Variants in LALBA observed in about 807,000 individuals in gnomAD.
LALBA encodes lactalbumin alpha, also known as alpha-lactalbumin.
In LALBA, 12 loss-of-function variants were observed where a neutral mutation model predicts 13.4. The ratio of observed to expected loss-of-function variants is 0.89; its 90% CI spans 0.57 to 1.45. LALBA has a LOEUF of 1.45. LALBA is among the 40% of genes most tolerant of loss of function. The pLI, the probability that LALBA is intolerant of heterozygous loss-of-function variation, is 0.00. For missense variants in LALBA, 145 were observed against 165.9 expected (o/e 0.87, Z 0.69); for synonymous variants, 64 against 61.0 (o/e 1.05, Z -0.23).
At chr12:48,571,044 C>T (rs1436522374), upstream of LALBA, among the ~76,000 whole-genome samples, 1 of 151,644 alleles carries the variant, frequency 6.6e-6, no homozygotes, top group Non-Finnish European at 1.5e-5. Flanking sequence ...TTCCCCACCC[C>T]TAACCACTCC....
upstream of LALBA, among the ~76,000 whole-genome samples, chr12:48,570,612 G>A (rs940665553): frequency 2.5e-4 from 38 of 152,126 alleles, no homozygotes; most frequent in African/African-American, 5.8e-4. Context: ...ATATGGGAAC[G>A]TAGACTACAA....
rs530144559 is a variant in LALBA at position 48,570,029 on chromosome 12, C to T, written c.-9G>A. On this transcript the variant is annotated 5_prime_UTR_variant, in exon 1 of 4. Coordinates refer to ENST00000301046, the MANE Select transcript of LALBA (RefSeq NM_002289.3). ...GGGACAAAGAACCTCATTTTGGCTA[C>T]CCCCAAGAACCTGAAATGGAAGCAT... The T allele has an allele frequency of 9.3e-6, 15 of 1,613,368 alleles. No individual in the cohort carries two copies. The highest frequency in any genetic ancestry group is 1.2e-5 in the Non-Finnish European group (14 of 1,179,744).
chr12:48,571,119 G>T (rs1938627774), upstream of LALBA, among the ~76,000 whole-genome samples: 1 of 151,494 alleles, frequency 6.6e-6, no homozygotes, highest in Admixed American at 6.6e-5. Flanking sequence ...CCAATAACTT[G>T]TAGACAACCT....
At position 48,569,879 on chromosome 12, in the gene LALBA, G is replaced by T; in HGVS notation, c.133+9C>A. ...AGGAATGGATGAAACACAGAGGCAGGGAACTCACATTCAGGCAAAGCGATG... is the reference window on the plus strand; with the variant it reads ...AGGAATGGATGAAACACAGAGGCAGTGAACTCACATTCAGGCAAAGCGATG... On this transcript the variant is annotated intron_variant, in intron 1 of 3. Transcript: ENST00000301046. 1.2e-6 allele frequency: 2 copies of T among 1,613,578 alleles called. No homozygotes were observed. Among genetic ancestry groups the T allele is most frequent in the Non-Finnish European group, 1.7e-6 (2 of 1,179,646 alleles).
chr12:48,569,921 T>G lies in LALBA; in HGVS notation c.100A>C (p.Ile34Leu). The G allele has an allele frequency of 6.2e-7, 1 of 1,614,098 alleles. No homozygotes were observed. The highest frequency in any genetic ancestry group is 8.5e-7 in the Non-Finnish European group (1 of 1,180,012). The change falls in exon 1 of 4, where the codon ATA (isoleucine) becomes CTA (leucine). Residue 34 changes from isoleucine (I) to leucine (L), a missense_variant. By Grantham distance (5) the Ile-to-Leu change is conservative (BLOSUM62 2). Coordinates refer to ENST00000301046, the MANE Select transcript of LALBA (RefSeq NM_002289.3). ...KCELSQLLKD[I>L]DGYGGIALPE... ...AAAGCGATGCCTCCATAACCATCTATGTCTTTCAGCAGCTGGGACAGCTCA... is the reference window on the plus strand; with the variant it reads ...AAAGCGATGCCTCCATAACCATCTAGGTCTTTCAGCAGCTGGGACAGCTCA...
intron 1 of LALBA, 28 bp downstream of exon 1, chr12:48,569,860 G>A (rs780058337): frequency 1.2e-6 from 2 of 1,611,172 alleles, no homozygotes; most frequent in African/African-American, 2.7e-5. Context: ...TATGAGGAAT[G>A]GATGAAACAC....
Position 48,567,936 on chromosome 12 carries a change from G to A in LALBA, c.*21C>T. 1 of 1,595,628 alleles carries A rather than the reference G, an allele frequency of 6.3e-7. No individual in the cohort carries two copies. Among genetic ancestry groups the A allele is most frequent in the African/African-American group, 1.3e-5 (1 of 74,818 alleles). ...ATTCCAGGAGTGTGGAGTGGGCAGG[G>A]GTGCCAAGGACAGCAGACACTCACA... is the stretch of plus-strand genomic sequence containing the variant. On this transcript the variant is annotated 3_prime_UTR_variant, in exon 4 of 4. Transcript: ENST00000301046.
Position 48,569,230 on chromosome 12 carries a change from G to T in LALBA, c.144C>A (p.Thr48=). The change falls in exon 2 of 4, where the codon ACC becomes ACA. Residue 48 remains threonine (T), a synonymous_variant. Coordinates refer to ENST00000301046, the MANE Select transcript of LALBA (RefSeq NM_002289.3). ...GGIALPELIC[T]MFHTSGYDTQ... is the part of the protein sequence containing the mutation. ...TGTCATAACCACTGGTGTGAAACAT[G>T]GTACAGATCACTGAGGGAAAGATGA... The T allele has an allele frequency of 6.2e-7, 1 of 1,611,910 alleles. No homozygotes were observed. Among genetic ancestry groups the T allele is most frequent in the South Asian group, 1.1e-5 (1 of 90,834 alleles).
At chr12:48,568,367 T>C (rs1324419612) in intron 3 of LALBA, 150 bp downstream of exon 3, 1 of 661,758 alleles carries the variant, frequency 1.5e-6, no homozygotes, top group African/African-American at 1.8e-5. Context: ...AGAGGCTTAA[T>C]AACAGAAACC....
At chr12:48,569,333 A>G (rs2137134155) in intron 1 of LALBA, 93 bp from the exon 2 acceptor site, 2 of 1,101,408 alleles carry the variant, frequency 1.8e-6, no homozygotes, top group Non-Finnish European at 2.6e-6. Flanking sequence ...CTTTCCAGCC[A>G]ATCTCCAAAG....
chr12:48,569,505 G>A (rs1439178619), intron 1 of LALBA, among the ~76,000 whole-genome samples: 1 of 152,212 alleles, frequency 6.6e-6, no homozygotes, highest in Non-Finnish European at 1.5e-5. Context: ...CCTGAGGTCA[G>A]AAGTTTGAGA....
intron 3 of LALBA, 47 bp from the exon 4 acceptor site, chr12:48,568,064 T>G (rs1217206234): frequency 5.7e-6 from 8 of 1,415,750 alleles, no homozygotes; most frequent in Non-Finnish European, 7.9e-6. Flanking sequence ...ACTGAATCTT[T>G]ACATTCATTC....
chr12:48,568,941 G>C, intron 2 of LALBA, 141 bp downstream of exon 2: 1 of 714,502 alleles, frequency 1.4e-6, no homozygotes, highest in Non-Finnish European at 2.4e-6. Context: ...TTCTTACTCA[G>C]TACTGCCAAT....
upstream of LALBA, chr12:48,570,181 C>T (rs900594494): frequency 2.8e-6 from 2 of 704,698 alleles, no homozygotes; most frequent in East Asian, 2.6e-5. Flanking sequence ...CTGCCAGCTT[C>T]CTTCCATAAT....
Position 48,570,024 on chromosome 12 carries a change from G to C in LALBA, c.-4C>G. The C allele has an allele frequency of 6.2e-7, 1 of 1,613,876 alleles. No individual in the cohort carries two copies. The highest frequency in any genetic ancestry group is 8.5e-7 in the Non-Finnish European group (1 of 1,179,912). ...ACAGAGGGACAAAGAACCTCATTTTGGCTACCCCCAAGAACCTGAAATGGA... is the reference window on the plus strand; with the variant it reads ...ACAGAGGGACAAAGAACCTCATTTTCGCTACCCCCAAGAACCTGAAATGGA... On this transcript the variant is annotated 5_prime_UTR_variant, in exon 1 of 4. Coordinates refer to ENST00000301046, the MANE Select transcript of LALBA (RefSeq NM_002289.3).
At chr12:48,568,408 CTG>C in intron 3 of LALBA, 107 bp downstream of exon 3, 1 of 734,682 alleles carries the variant, frequency 1.4e-6, no homozygotes, top group Non-Finnish European at 2.4e-6. Flanking sequence ...GTTTCAGACA[CTG>C]TATTCTAGAT....
Position 48,567,781 on chromosome 12 carries a change from C to A in LALBA, c.*176G>T. 12 of 613,452 alleles carry A rather than the reference C, an allele frequency of 2.0e-5. No homozygotes were observed. Among genetic ancestry groups the A allele is most frequent in the Non-Finnish European group, 3.6e-5 (12 of 338,022 alleles). 38.0% of individuals were successfully genotyped at this position (613,452 alleles called of 1,614,324 possible). On this transcript the variant is annotated 3_prime_UTR_variant, in exon 4 of 4. Coordinates refer to ENST00000301046, the MANE Select transcript of LALBA (RefSeq NM_002289.3). ...CTGAGTAAGGGTCTAGAGCTCAGTG[C>A]ACCACTCAGGCATCCCTGGAAAATA...
chr12:48,569,077 C>T lies in LALBA; in HGVS notation c.292+5G>A. The stretch of plus-strand genomic sequence containing the variant: ...CAGAGAAAGAGGGTTATAGGGGCTA[C>T]TCACTGTCACAGGAGATGTCACAGA... On this transcript the variant is annotated splice_donor_5th_base_variant and intron_variant, in intron 2 of 3. Coordinates refer to ENST00000301046, the MANE Select transcript of LALBA (RefSeq NM_002289.3). The T allele has an allele frequency of 6.2e-7, 1 of 1,606,794 alleles. No homozygotes were observed. The highest frequency in any genetic ancestry group is 8.5e-7 in the Non-Finnish European group (1 of 1,177,990).
In LALBA at chr12:48,569,244, A is replaced by C; in HGVS notation, c.134-4T>G. 1 of 1,609,208 alleles carries C rather than the reference A, an allele frequency of 6.2e-7. No individual in the cohort carries two copies. The highest frequency in any genetic ancestry group is 8.5e-7 in the Non-Finnish European group (1 of 1,176,824). Reference sequence around the variant, plus strand: ...GTGTGAAACATGGTACAGATCACTGAGGGAAAGATGAGAAAGAGATACCAC... The same window carrying C: ...GTGTGAAACATGGTACAGATCACTGCGGGAAAGATGAGAAAGAGATACCAC... On this transcript the variant is annotated splice_region_variant and splice_polypyrimidine_tract_variant and intron_variant, in intron 1 of 3. Coordinates refer to ENST00000301046, the MANE Select transcript of LALBA (RefSeq NM_002289.3).
Sources: gnomAD v4.1 joint callset for allele counts (sites outside exome capture counted in the v4.1 genomes callset) on GRCh38, gnomAD v4.1.1 for gene constraint, MANE v1.5 for transcripts, NCBI Gene and HGNC (gene_info 2026-07-23, HGNC 2026-07-21) for gene names.